Variants in SGCD observed in about 807,000 individuals in gnomAD.
SGCD encodes delta-sarcoglycan.
In SGCD, 18 loss-of-function variants were observed where a neutral mutation model predicts 36.6. The ratio of observed to expected loss-of-function variants is 0.49; its 90% CI spans 0.34 to 0.73. The LOEUF (loss-of-function observed/expected upper bound fraction) is 0.73, where lower values mean the gene tolerates loss of function less well. Ranked by LOEUF, SGCD falls within the 30% of genes least tolerant of loss-of-function variation. The pLI is 0.01. For missense variants in SGCD, 387 were observed against 346.7 expected, an observed-to-expected ratio of 1.12 and a Z score of -0.92; for synonymous variants, 133 against 130.6, an observed-to-expected ratio of 1.02 and a Z score of -0.12.
At chr5:156,182,235 C>G (rs753033225) in intron 3 of SGCD, among the ~76,000 whole-genome samples, 6 of 152,156 alleles carry the variant, frequency 3.9e-5, no homozygotes, top group Non-Finnish European at 7.3e-5. Context: ...TGTAAGATAT[C>G]AAGACCTTTT....
intron 3 of SGCD, among the ~76,000 whole-genome samples, chr5:156,431,727 GT>G (rs565097002): frequency 7.9e-5 from 12 of 151,872 alleles, no homozygotes; most frequent in Non-Finnish European, 1.2e-4. Context: ...GTTTTGTTTT[GT>G]TTTTTGGACA....
chr5:156,261,675 G>A (rs1765870794), intron 3 of SGCD, among the ~76,000 whole-genome samples: 1 of 152,070 alleles, frequency 6.6e-6, no homozygotes, highest in African/African-American at 2.4e-5. Flanking sequence ...TCGTTCAGGA[G>A]GTATTACAGA....
the SGCD span, among the ~76,000 whole-genome samples, chr5:155,858,092 A>G: frequency 1.3e-5 from 2 of 152,192 alleles, no homozygotes; most frequent in Non-Finnish European, 2.9e-5. Flanking sequence ...TAGCGCGTGT[A>G]TATACAGTGT....
intron 3 of SGCD, among the ~76,000 whole-genome samples, chr5:156,469,423 A>C (rs1754861301): frequency 6.6e-6 from 1 of 152,246 alleles, no homozygotes; most frequent in Non-Finnish European, 1.5e-5. Context: ...AGTATACCAT[A>C]TTTAAAGAGC....
intron 3 of SGCD, among the ~76,000 whole-genome samples, chr5:156,437,714 A>T (rs375825323): frequency 1.3e-5 from 2 of 152,322 alleles, no homozygotes; most frequent in East Asian, 1.9e-4. Flanking sequence ...TGACTGCTGG[A>T]TACTTAAATC....
intron 1 of SGCD, among the ~76,000 whole-genome samples, chr5:156,074,197 T>C (rs1760692465): frequency 6.6e-6 from 1 of 152,180 alleles, no homozygotes; most frequent in Non-Finnish European, 1.5e-5. Flanking sequence ...CCCTTTGATC[T>C]CAAATGTAGC....
intron 1 of SGCD, among the ~76,000 whole-genome samples, chr5:156,042,237 G>A (rs1455865061): frequency 1.3e-5 from 2 of 151,634 alleles, no homozygotes; most frequent in Non-Finnish European, 2.9e-5. Context: ...CACATTTTGA[G>A]AAGTATGTGT....
chr5:156,473,730 T>C (rs1189453788), intron 3 of SGCD, among the ~76,000 whole-genome samples: 1 of 152,188 alleles, frequency 6.6e-6, no homozygotes, highest in African/African-American at 2.4e-5. Context: ...GGCTTCACCC[T>C]GGGGATATGG....
At chr5:155,887,419 AAACT>A (rs1297993045) in intron 1 of SGCD, among the ~76,000 whole-genome samples, 7 of 152,178 alleles carry the variant, frequency 4.6e-5, no homozygotes, top group Non-Finnish European at 1.0e-4. Flanking sequence ...CATTAAACTC[AAACT>A]AACTACGCAA....
At chr5:156,040,132 T>TACAGAGGTAAG (rs1407275119) in intron 1 of SGCD, among the ~76,000 whole-genome samples, 7 of 152,224 alleles carry the variant, frequency 4.6e-5, no homozygotes, top group African/African-American at 1.7e-4. Flanking sequence ...AGGTAAGCGC[T>TACAGAGGTAAG]GTATAAATAT....
intron 3 of SGCD, among the ~76,000 whole-genome samples, chr5:156,219,960 G>A (rs1203280164): frequency 6.6e-6 from 1 of 152,168 alleles, no homozygotes; most frequent in Non-Finnish European, 1.5e-5. Context: ...TTGCATTTAA[G>A]TTCTCAGGTA....
rs574020884 is a variant in SGCD, at chr5:156,755,089, T to C, written c.576-2492T>C. Among the ~76,000 whole-genome samples the C allele has an allele frequency of 9.8e-5, 15 of 152,336 alleles. No individual in the cohort carries two copies. The South Asian group carries it at 2.3e-3, about 23-fold the overall frequency. On this transcript the variant is annotated intron_variant, in intron 7 of 8. Transcript: ENST00000337851. ...CCTCCTGGTGATTCTCATGCTCACA[T>C]TTGAGAATGCTTCTAAGAAATTTTA...
intron 6 of SGCD, among the ~76,000 whole-genome samples, chr5:156,605,098 G>C (rs565726544): frequency 2.0e-5 from 3 of 151,826 alleles, no homozygotes; most frequent in Non-Finnish European, 4.4e-5. Context: ...TGTGCACAAC[G>C]TGCAGGTTTG....
chr5:156,689,048 AT>A (rs113405841), intron 7 of SGCD, among the ~76,000 whole-genome samples: 1 of 152,236 alleles, frequency 6.6e-6, no homozygotes, highest in African/African-American at 2.4e-5. Flanking sequence ...TGGATCCTGC[AT>A]TTTAAAAAGA....
At chr5:155,810,327 C>T in the SGCD span, among the ~76,000 whole-genome samples, 1 of 152,150 alleles carries the variant, frequency 6.6e-6, no homozygotes, top group East Asian at 1.9e-4. Flanking sequence ...ATGCAGAAGT[C>T]AAGTCACCTT....
the SGCD span, among the ~76,000 whole-genome samples, chr5:155,798,042 A>G: frequency 1.3e-5 from 2 of 152,122 alleles, no homozygotes; most frequent in African/African-American, 4.8e-5. Context: ...GGCACCCAAA[A>G]CACCACATTC....
At position 156,188,665 on chromosome 5, in the gene SGCD, A is replaced by AC. The variant is rs749449803; in HGVS notation, c.-44+64648dup. On this transcript the variant is annotated intron_variant, in intron 3 of 9. Transcript: ENST00000517913. ...CCTCAGTGTCTCTCTGACCACCCCA[A>AC]CCGCCCCCCCCGACACACATACACA... Among the ~76,000 whole-genome samples, 275 of 118,486 alleles carry AC rather than the reference A, an allele frequency of 2.3e-3. 1 individual carries two copies. Among genetic ancestry groups the AC allele is most frequent in the African/African-American group, 4.9e-3 (141 of 28,546 alleles). 77.7% of individuals were successfully genotyped at this position (118,486 alleles called of 152,430 possible). A position where few individuals can be genotyped will look rare whatever the true frequency, so the allele number is the denominator to read the frequency against.
chr5:156,529,527 G>T (rs1757794849), intron 4 of SGCD, among the ~76,000 whole-genome samples: 1 of 145,900 alleles, frequency 6.9e-6, no homozygotes, highest in African/African-American at 2.6e-5. Context: ...AAAAAATGTT[G>T]CTGTAAAAAA....
At chr5:155,939,433 G>A (rs1757279146) in intron 1 of SGCD, among the ~76,000 whole-genome samples, 1 of 151,964 alleles carries the variant, frequency 6.6e-6, no homozygotes, top group African/African-American at 2.4e-5. Flanking sequence ...CAAAGGTCAG[G>A]AGTTCGAGAC....
Sources: allele counts gnomAD v4.1 joint callset (sites outside exome capture counted in the v4.1 genomes callset), GRCh38; gene constraint gnomAD v4.1.1; transcripts MANE v1.5; gene names NCBI Gene and HGNC (gene_info 2026-07-23, HGNC 2026-07-21).